MUCL1: variants seen among roughly 807,000 people sequenced by gnomAD.
MUCL1 encodes mucin-like protein 1.
In MUCL1, 11 loss-of-function variants were observed where a neutral mutation model predicts 9.2. The observed-to-expected ratio is 1.19, with a 90% CI of 0.75 to 1.97. MUCL1 has a LOEUF of 1.97. MUCL1 is among the 30% of genes most tolerant of loss of function. MUCL1 has a pLI of 0.00. For synonymous variants in MUCL1, 48 were observed against 40.5 expected, an observed-to-expected ratio of 1.19 and a Z score of -0.71; for missense variants, 144 against 110.9, an observed-to-expected ratio of 1.30 and a Z score of -1.34.
intron 1 of MUCL1, among the ~76,000 whole-genome samples, chr12:54,841,349 G>A (rs1959210535): frequency 6.6e-6 from 1 of 152,130 alleles, no homozygotes; most frequent in African/African-American, 2.4e-5. Flanking sequence ...GATTTCCTTT[G>A]AGTATATACA....
chr12:54,847,418 C>T (rs973100774), intron 1 of MUCL1, among the ~76,000 whole-genome samples: 19 of 152,096 alleles, frequency 1.2e-4, no homozygotes, highest in African/African-American at 4.3e-4. Flanking sequence ...GAGTTCAAGA[C>T]CAGCCTGACC....
upstream of MUCL1, among the ~76,000 whole-genome samples, chr12:54,849,754 A>C (rs1466154713): frequency 6.6e-6 from 1 of 152,158 alleles, no homozygotes; most frequent in Non-Finnish European, 1.5e-5. Context: ...GTTAGATCTG[A>C]GTATATTTTA....
intron 1 of MUCL1, among the ~76,000 whole-genome samples, chr12:54,833,254 C>A (rs913039355): frequency 1.3e-5 from 2 of 151,936 alleles, no homozygotes; most frequent in South Asian, 2.1e-4. Context: ...AGTTTTGCAT[C>A]GAATATATAG....
chr12:54,843,623 A>G (rs1959225132), intron 1 of MUCL1, among the ~76,000 whole-genome samples: 1 of 152,202 alleles, frequency 6.6e-6, no homozygotes, highest in Non-Finnish European at 1.5e-5. Flanking sequence ...GGGAGACAGG[A>G]AAGTCAGGGT....
upstream of MUCL1, among the ~76,000 whole-genome samples, chr12:54,836,644 T>C (rs1299928962): frequency 1.3e-5 from 2 of 152,160 alleles, no homozygotes; most frequent in Non-Finnish European, 2.9e-5. Flanking sequence ...TTTGTCTTTG[T>C]TTCTTTAGTT....
intron 1 of MUCL1, among the ~76,000 whole-genome samples, chr12:54,832,102 G>A (rs750175955): frequency 1.3e-5 from 2 of 152,092 alleles, no homozygotes; most frequent in Non-Finnish European, 2.9e-5. Context: ...GTTCCAGAAT[G>A]AGGAATAAGA....
chr12:54,835,073 A>G (rs1445502100), upstream of MUCL1, among the ~76,000 whole-genome samples: 1 of 152,144 alleles, frequency 6.6e-6, no homozygotes, highest in Non-Finnish European at 1.5e-5. Flanking sequence ...TAGTTGCTGC[A>G]AAAAACACTA....
chr12:54,836,004 TG>T (rs1379830332), upstream of MUCL1, among the ~76,000 whole-genome samples: 2 of 152,198 alleles, frequency 1.3e-5, no homozygotes, highest in Non-Finnish European at 2.9e-5. Context: ...TGAGGACTTT[TG>T]CATCTGTGTT....
At chr12:54,853,361 T>C (rs1868270276), upstream of MUCL1, among the ~76,000 whole-genome samples, 1 of 152,168 alleles carries the variant, frequency 6.6e-6, no homozygotes, top group South Asian at 2.1e-4. Context: ...CTGTCTTTAC[T>C]TAGCAGCTTG....
At chr12:54,837,108 G>C (rs533087099), upstream of MUCL1, among the ~76,000 whole-genome samples, 2 of 152,076 alleles carry the variant, frequency 1.3e-5, no homozygotes, top group Non-Finnish European at 2.9e-5. Context: ...TTTTTCTAGA[G>C]TGCAGTTTAA....
chr12:54,858,140 C>A, intron 3 of MUCL1, 53 bp from the exon 4 acceptor site: 1 of 1,602,758 alleles, frequency 6.2e-7, no homozygotes, highest in South Asian at 1.1e-5. Flanking sequence ...AGAATAAATC[C>A]ACATTCTTCA....
rs1050760210 is a variant in MUCL1, at chr12:54,833,049, C to T, written n.357+2174C>T. Reference sequence around the variant, plus strand: ...ATTCCTGTACCAGTACAGCACTATTCGTTACTGTAACTTTATATTAATTTT... The same window carrying T: ...ATTCCTGTACCAGTACAGCACTATTTGTTACTGTAACTTTATATTAATTTT... On this transcript the variant is annotated intron_variant and non_coding_transcript_variant, in intron 1 of 3. Coordinates refer to the MUCL1 transcript ENST00000547990. Among the ~76,000 whole-genome samples, 19 of 152,084 alleles carry T rather than the reference C, an allele frequency of 1.2e-4. No homozygotes were observed. In the East Asian group the frequency reaches 2.5e-3, roughly 20 times the overall value.
At chr12:54,834,427 C>T (rs1213259455), upstream of MUCL1, among the ~76,000 whole-genome samples, 1 of 151,920 alleles carries the variant, frequency 6.6e-6, no homozygotes, top group Non-Finnish European at 1.5e-5. Context: ...ATTGTAAATC[C>T]TCATCACAAG....
intron 1 of MUCL1, among the ~76,000 whole-genome samples, chr12:54,840,365 T>C (rs1959204886): frequency 6.6e-6 from 1 of 152,126 alleles, no homozygotes; most frequent in South Asian, 2.1e-4. Flanking sequence ...ATGCAGACAA[T>C]GGTAATAGCT....
At position 54,854,646 on chromosome 12, in the gene MUCL1, T is replaced by C. The variant is rs781748666; in HGVS notation, c.58+6T>C. 1.1e-5 allele frequency: 18 copies of C among 1,610,514 alleles called. No homozygotes were observed. In the African/African-American group the frequency reaches 2.3e-4, roughly 20 times the overall value. On this transcript the variant is annotated splice_donor_region_variant and intron_variant, in intron 1 of 3. Coordinates refer to ENST00000308796, the MANE Select transcript of MUCL1 (RefSeq NM_058173.3). ...CATCTTTCTGGTCTCTGCCCGTAAG[T>C]AAAGATTCTTACCTGAACATAAGTT... is the stretch of plus-strand genomic sequence containing the variant.
upstream of MUCL1, among the ~76,000 whole-genome samples, chr12:54,837,753 A>G (rs1959195496): frequency 6.6e-6 from 1 of 152,216 alleles, no homozygotes; most frequent in Non-Finnish European, 1.5e-5. Context: ...TGGGTGACAG[A>G]GTGAGACTCC....
chr12:54,854,779 G>A (rs1043917329), intron 1 of MUCL1, 139 bp downstream of exon 1: 4 of 709,750 alleles, frequency 5.6e-6, no homozygotes, highest in Non-Finnish European at 7.0e-6. Context: ...TTGACTGACC[G>A]TTCAAGATGG....
At chr12:54,855,296 T>C in intron 2 of MUCL1, 139 bp downstream of exon 2, 1 of 709,198 alleles carries the variant, frequency 1.4e-6, no homozygotes, top group Non-Finnish European at 2.4e-6. Flanking sequence ...GCTATATTCC[T>C]GATTTTAAAA....
chr12:54,843,344 G>GT (rs1297757438), intron 1 of MUCL1, among the ~76,000 whole-genome samples: 1 of 152,042 alleles, frequency 6.6e-6, no homozygotes, highest in African/African-American at 2.4e-5. Flanking sequence ...TTTATCAAAT[G>GT]TTTTTCTGCA....
Sources: allele counts gnomAD v4.1 joint callset (sites outside exome capture counted in the v4.1 genomes callset), GRCh38; gene constraint gnomAD v4.1.1; transcripts MANE v1.5; gene names NCBI Gene and HGNC (gene_info 2026-07-23, HGNC 2026-07-21).